Variants in PLB1 observed in about 807,000 individuals in gnomAD.
The protein encoded by PLB1 is phospholipase B1, membrane-associated.
In PLB1, 242 loss-of-function variants were observed where a neutral mutation model predicts 227.4. The ratio of observed to expected loss-of-function variants is 1.06; its 90% CI spans 0.96 to 1.18. PLB1 has a LOEUF of 1.18. PLB1 is among the 50% of genes most tolerant of loss of function. PLB1 has a pLI of 0.00. For synonymous variants in PLB1, 757 were observed against 682.2 expected (o/e 1.11, Z -1.71); for missense variants, 1,858 against 1,816.3 (o/e 1.02, Z -0.42).
At chr2:28,523,220 C>T (rs1213344336) in intron 4 of PLB1, among the ~76,000 whole-genome samples, 1 of 119,798 alleles carries the variant, frequency 8.3e-6, no homozygotes, top group African/African-American at 2.7e-5. Context: ...AACAAACATA[C>T]ACACGTGCAC....
intron 17 of PLB1, among the ~76,000 whole-genome samples, chr2:28,557,077 C>T (rs1237102174): frequency 6.6e-6 from 1 of 152,114 alleles, no homozygotes; most frequent in Non-Finnish European, 1.5e-5. Flanking sequence ...CCTACCCTAT[C>T]ATCAGGAAGG....
Position 28,620,256 on chromosome 2 carries a change from T to C in PLB1, c.3316-9T>C. The stretch of plus-strand genomic sequence containing the variant: ...CCCCAGCCCTGAACTTTCTTTTTGC[T>C]TTTTACAGACAGCAGTGGGAGCTCG... On this transcript the variant is annotated splice_polypyrimidine_tract_variant and intron_variant, in intron 46 of 57. Transcript: ENST00000327757. The C allele has an allele frequency of 6.3e-7, 1 of 1,587,382 alleles. No homozygotes were observed. Among genetic ancestry groups the C allele is most frequent in the Non-Finnish European group, 8.6e-7 (1 of 1,163,794 alleles).
intron 9 of PLB1, among the ~76,000 whole-genome samples, chr2:28,537,217 C>T (rs1671806166): frequency 6.6e-6 from 1 of 152,154 alleles, no homozygotes; most frequent in African/African-American, 2.4e-5. Flanking sequence ...GGTGCCAGCC[C>T]AGGTGATTGA....
rs1244759636 is a variant in PLB1, at chr2:28,589,439, T to C, written c.1816-11T>C. On this transcript the variant is annotated splice_polypyrimidine_tract_variant and intron_variant, in intron 26 of 57. Coordinates refer to ENST00000327757, the MANE Select transcript of PLB1 (RefSeq NM_153021.5). Reference sequence around the variant, plus strand: ...GGACTGCCTGACATCTGTCCCCTTTTCCTCCTGCAGGAGAAGACCCACCAA... The same window carrying C: ...GGACTGCCTGACATCTGTCCCCTTTCCCTCCTGCAGGAGAAGACCCACCAA... 2 of 1,610,762 alleles carry C rather than the reference T, an allele frequency of 1.2e-6. No homozygotes were observed. The highest frequency in any genetic ancestry group is 2.7e-5 in the African/African-American group (2 of 74,834).
At chr2:28,603,604 T>C (rs1344936539) in intron 39 of PLB1, among the ~76,000 whole-genome samples, 1 of 152,176 alleles carries the variant, frequency 6.6e-6, no homozygotes, top group Non-Finnish European at 1.5e-5. Flanking sequence ...CCCCAAAATA[T>C]CAGCTCCAAC....
chr2:28,568,301 C>T, intron 20 of PLB1, among the ~76,000 whole-genome samples: 1 of 152,182 alleles, frequency 6.6e-6, no homozygotes, highest in East Asian at 1.9e-4. Context: ...ACTTCCCATG[C>T]TCGTATTATG....
intron 38 of PLB1, among the ~76,000 whole-genome samples, chr2:28,602,511 A>G (rs1346956678): frequency 6.6e-6 from 1 of 152,230 alleles, no homozygotes; most frequent in Non-Finnish European, 1.5e-5. Flanking sequence ...GAGGTTGCCT[A>G]TCTCACCGAA....
At chr2:28,513,990 T>C (rs1448819412) in intron 1 of PLB1, among the ~76,000 whole-genome samples, 2 of 152,246 alleles carry the variant, frequency 1.3e-5, no homozygotes, top group East Asian at 3.8e-4. Flanking sequence ...TTAATGTATT[T>C]CAACATATAC....
chr2:28,636,019 A>ATGTGTATGTG (rs1689279040), intron 56 of PLB1, among the ~76,000 whole-genome samples: 1 of 98,284 alleles, frequency 1.0e-5, no homozygotes, highest in East Asian at 2.9e-4. Context: ...GTATGTATGA[A>ATGTGTATGTG]TGTGTGTGTA....
chr2:28,525,284 G>C lies in PLB1; in HGVS notation c.261G>C (p.Thr87=). Residue 87 remains threonine, a synonymous_variant, in exon 5 of 58, where the codon ACG becomes ACC. Coordinates refer to ENST00000327757, the MANE Select transcript of PLB1 (RefSeq NM_153021.5). ...GNLEIPPDPG[T]GDLEKQDWTE... is the part of the protein sequence containing the mutation. Reference sequence around the variant, plus strand: ...TATTCCAGCCTCCAGACCCAGGGACGGGCGATCTGGAGAAGCAAGACTGGT... The same window carrying C: ...TATTCCAGCCTCCAGACCCAGGGACCGGCGATCTGGAGAAGCAAGACTGGT... The C allele has an allele frequency of 6.2e-7, 1 of 1,613,576 alleles. No individual in the cohort carries two copies. Among genetic ancestry groups the C allele is most frequent in the East Asian group, 2.2e-5 (1 of 44,872 alleles).
Position 28,589,388 on chromosome 2 carries a change from A to C in PLB1, c.1816-62A>C, listed in dbSNP as rs138477737. ...TAATTCTGTGTTGGAGAAAGAGATCAATCAAGGACCGAGCAGATGCAGAGA... is the reference window on the plus strand; with the variant it reads ...TAATTCTGTGTTGGAGAAAGAGATCCATCAAGGACCGAGCAGATGCAGAGA... On this transcript the variant is annotated intron_variant, in intron 26 of 57. Coordinates refer to ENST00000327757, the MANE Select transcript of PLB1 (RefSeq NM_153021.5). 218 of 1,240,310 alleles carry C rather than the reference A, an allele frequency of 1.8e-4. 1 individual carries two copies. In the African/African-American group the frequency reaches 2.9e-3, roughly 16 times the overall value. The allele number at this position is 1,240,310 out of a possible 1,614,324, so 76.8% of individuals were successfully genotyped here.
intron 4 of PLB1, among the ~76,000 whole-genome samples, chr2:28,520,582 C>A (rs1441648260): frequency 3.3e-5 from 5 of 152,186 alleles, no homozygotes; most frequent in Admixed American, 6.5e-5. Context: ...CTGAAACACT[C>A]TACCCATGAA....
chr2:28,592,714 C>T lies in PLB1; in HGVS notation c.2242C>T (p.Leu748=), dbSNP rs1682177625. 6.2e-7 allele frequency: 1 copy of T among 1,614,070 alleles called. No individual in the cohort carries two copies. The highest frequency in any genetic ancestry group is 8.5e-7 in the Non-Finnish European group (1 of 1,179,972). Residue 748 remains leucine (L), a synonymous_variant, in exon 32 of 58, where the codon CTG becomes TTG. Transcript: ENST00000327757. ...IQVVAALGDS[L]TAGNGIGSKP... ...AGTTGTGGCTGCTCTGGGGGATTCT[C>T]TGACCGTAAGGACTCTTGGGCCCCA...
At chr2:28,604,607 T>G (rs2148304036) in intron 40 of PLB1, 48 bp from the exon 41 acceptor site, 1 of 1,555,724 alleles carries the variant, frequency 6.4e-7, no homozygotes, top group Admixed American at 1.7e-5. Flanking sequence ...CACTGGGTCC[T>G]GGGCCCACCC....
intron 15 of PLB1, among the ~76,000 whole-genome samples, chr2:28,549,412 CTT>C (rs746205635): frequency 1.5e-4 from 13 of 87,296 alleles, no homozygotes; most frequent in African/African-American, 4.6e-4. Flanking sequence ...GAGATTCTTT[CTT>C]TTTTTTTTTT....
At chr2:28,617,895 C>T (rs1164358696) in intron 45 of PLB1, 108 bp downstream of exon 45, 12 of 1,133,676 alleles carry the variant, frequency 1.1e-5, no homozygotes, top group Non-Finnish European at 1.6e-5. Context: ...CTTGCTAATT[C>T]CCCTGCAGTG....
intron 42 of PLB1, 114 bp from the exon 43 acceptor site, chr2:28,606,382 A>C: frequency 9.4e-7 from 1 of 1,058,478 alleles, no homozygotes; most frequent in East Asian, 2.5e-5. Flanking sequence ...AGTGGGAGCC[A>C]AGCCCCCTGA....
intron 19 of PLB1, among the ~76,000 whole-genome samples, chr2:28,566,175 GT>G (rs1676863282): frequency 6.6e-6 from 1 of 152,012 alleles, no homozygotes; most frequent in African/African-American, 2.4e-5. Context: ...CCTTCCTCAC[GT>G]TGCAACACAG....
intron 1 of PLB1, among the ~76,000 whole-genome samples, chr2:28,509,783 G>A (rs563998943): frequency 5.3e-5 from 8 of 152,268 alleles, no homozygotes; most frequent in African/African-American, 1.4e-4. Flanking sequence ...GTTCCCTTGG[G>A]ATTCCATGAT....
Sources: allele counts gnomAD v4.1 joint callset (sites outside exome capture counted in the v4.1 genomes callset), GRCh38; gene constraint gnomAD v4.1.1; transcripts MANE v1.5; gene names NCBI Gene and HGNC (gene_info 2026-07-23, HGNC 2026-07-21).